Variants in FRMD4A observed in about 807,000 individuals in gnomAD.
FRMD4A encodes the protein FERM domain containing 4A.
FRMD4A carries 29 observed loss-of-function variants against 129.1 expected under a neutral mutation model. The observed-to-expected ratio is 0.22, with a 90% CI of 0.17 to 0.31. The LOEUF is 0.31. Ranked by LOEUF, FRMD4A falls within the 10% of genes least tolerant of loss-of-function variation. The pLI is 1.00. For synonymous variants in FRMD4A, 634 were observed against 571.6 expected (o/e 1.11, Z -1.56); for missense variants, 1,272 against 1,375.8 (o/e 0.92, Z 1.19).
chr10:14,288,277 A>G (rs935784513), intron 2 of FRMD4A, among the ~76,000 whole-genome samples: 4 of 152,186 alleles, frequency 2.6e-5, no homozygotes, highest in Non-Finnish European at 5.9e-5. Context: ...CAAAATTGGA[A>G]ATCTCCAAAG....
At chr10:14,131,150 ACAAATCCCCAAATTATACTTTT>A (rs1260420856) in intron 2 of FRMD4A, among the ~76,000 whole-genome samples, 1 of 152,226 alleles carries the variant, frequency 6.6e-6, no homozygotes, top group Non-Finnish European at 1.5e-5. Context: ...ATGTAACCAC[ACAAATCCCCAAATTATACTTTT>A]GCTAGAGAAA....
rs568402102 is a variant in FRMD4A at position 14,024,446 on chromosome 10, C to T, written c.46-165534G>A. On this transcript the variant is annotated intron_variant, in intron 2 of 24. Transcript: ENST00000357447. ...ATGAATGTCCCGATTTGCTCTCAGT[C>T]CCCGCTGACAGATCAGATCTGCAAA... Among the ~76,000 whole-genome samples, 17 of 152,314 alleles carry T rather than the reference C, an allele frequency of 1.1e-4. No homozygotes were observed. In the South Asian group the frequency reaches 3.5e-3, roughly 32 times the overall value.
At chr10:13,782,043 C>A (rs1234127297) in intron 6 of FRMD4A, among the ~76,000 whole-genome samples, 5 of 152,118 alleles carry the variant, frequency 3.3e-5, no homozygotes, top group Non-Finnish European at 7.4e-5. Flanking sequence ...AAAGAACTTA[C>A]TCATGTAACT....
intron 6 of FRMD4A, among the ~76,000 whole-genome samples, chr10:13,763,466 G>A (rs1401029982): frequency 6.6e-6 from 1 of 152,098 alleles, no homozygotes; most frequent in South Asian, 2.1e-4. Context: ...GTTCAGTGTC[G>A]CTAGTGACTA....
chr10:14,172,911 G>C (rs17154771), intron 2 of FRMD4A, among the ~76,000 whole-genome samples: 6,497 of 152,258 alleles, frequency 0.043, 225 homozygotes, highest in Non-Finnish European at 0.066. Flanking sequence ...ATGACTCTCA[G>C]ACATGGGTGA....
intron 2 of FRMD4A, among the ~76,000 whole-genome samples, chr10:14,320,718 T>C (rs1846944478): frequency 6.6e-6 from 1 of 152,272 alleles, no homozygotes; most frequent in Non-Finnish European, 1.5e-5. Flanking sequence ...GGCCATGCAC[T>C]ATACTCACCA....
intron 2 of FRMD4A, among the ~76,000 whole-genome samples, chr10:14,123,176 G>A (rs1022850572): frequency 6.6e-6 from 1 of 152,100 alleles, no homozygotes. Context: ...CATGACCCTT[G>A]CAAGTTGCTG....
chr10:13,843,717 C>T (rs1386679789), intron 3 of FRMD4A, among the ~76,000 whole-genome samples: 4 of 152,138 alleles, frequency 2.6e-5, no homozygotes, highest in Admixed American at 6.5e-5. Context: ...AGGCTGGTCT[C>T]GAACTCCTGA....
intron 2 of FRMD4A, among the ~76,000 whole-genome samples, chr10:13,901,511 G>A (rs968890136): frequency 6.6e-6 from 1 of 151,576 alleles, no homozygotes; most frequent in East Asian, 1.9e-4. Flanking sequence ...TCAGGAGGCT[G>A]AGGCAGCAGA....
chr10:13,765,437 A>AT (rs2092254478), intron 6 of FRMD4A, among the ~76,000 whole-genome samples: 1 of 151,992 alleles, frequency 6.6e-6, no homozygotes, highest in Non-Finnish European at 1.5e-5. Context: ...TTTTGTAATT[A>AT]TTTTTTGAGA....
chr10:13,727,619 T>C (rs1210439488), intron 12 of FRMD4A, among the ~76,000 whole-genome samples: 1 of 152,160 alleles, frequency 6.6e-6, no homozygotes, highest in Non-Finnish European at 1.5e-5. Context: ...CACACCCCAG[T>C]AAACTTCCTG....
intron 2 of FRMD4A, among the ~76,000 whole-genome samples, chr10:14,266,988 G>C (rs778181119): frequency 6.6e-6 from 1 of 152,204 alleles, no homozygotes; most frequent in South Asian, 2.1e-4. Flanking sequence ...AAGCATTTAA[G>C]TTTTAGTGTC....
At chr10:13,972,549 G>A (rs1385651527) in intron 2 of FRMD4A, among the ~76,000 whole-genome samples, 3 of 150,108 alleles carry the variant, frequency 2.0e-5, no homozygotes, top group Admixed American at 6.6e-5. Context: ...TTTTTTTTTC[G>A]CCCCGCATGA....
At chr10:13,699,405 G>T (rs1226909660) in intron 14 of FRMD4A, among the ~76,000 whole-genome samples, 1 of 151,980 alleles carries the variant, frequency 6.6e-6, no homozygotes, top group Non-Finnish European at 1.5e-5. Flanking sequence ...TATACTTGCT[G>T]TGTCAGTGAG....
chr10:13,939,179 A>G (rs1255665012), intron 2 of FRMD4A, among the ~76,000 whole-genome samples: 1 of 152,236 alleles, frequency 6.6e-6, no homozygotes, highest in African/African-American at 2.4e-5. Context: ...TATGGTTCAC[A>G]TTATTCTAAA....
chr10:14,262,912 G>A (rs755995454), intron 2 of FRMD4A, among the ~76,000 whole-genome samples: 20 of 152,038 alleles, frequency 1.3e-4, no homozygotes, highest in Admixed American at 4.6e-4. Context: ...TCTCCTACTC[G>A]CCAGGAAAAC....
At chr10:13,924,531 T>C (rs1460269031) in intron 2 of FRMD4A, among the ~76,000 whole-genome samples, 1 of 152,130 alleles carries the variant, frequency 6.6e-6, no homozygotes. Flanking sequence ...AAGGAAGGAC[T>C]TCTCTCAGGG....
At chr10:14,172,950 AG>A (rs1290254082) in intron 2 of FRMD4A, among the ~76,000 whole-genome samples, 6 of 152,212 alleles carry the variant, frequency 3.9e-5, no homozygotes, top group South Asian at 2.1e-4. Flanking sequence ...ATTCTCGCAA[AG>A]GATGGGGTGT....
rs10706168 is a variant in FRMD4A at position 13,728,573 on chromosome 10, CTT to C, written c.759+9269_759+9270del. On this transcript the variant is annotated intron_variant, in intron 12 of 24. Transcript: ENST00000357447. The stretch of plus-strand genomic sequence containing the variant: ...TCAGTGCTTTCAGGTGATTACCATT[CTT>C]TTTTTTTTTTTTTTTGAGATGGAGT... 1.1e-3 allele frequency among the ~76,000 whole-genome samples: 83 copies of C among 78,344 alleles called. 4 individuals are homozygous for C. Among genetic ancestry groups the C allele is most frequent in the Admixed American group, 2.4e-3 (13 of 5,312 alleles). The allele number at this position is 78,344 out of a possible 152,430, so 51.4% of individuals were successfully genotyped here. A position where few individuals can be genotyped will look rare whatever the true frequency, so the allele number is the denominator to read the frequency against.
Sources: gnomAD v4.1 joint callset for allele counts (sites outside exome capture counted in the v4.1 genomes callset) on GRCh38, gnomAD v4.1.1 for gene constraint, MANE v1.5 for transcripts, NCBI Gene and HGNC (gene_info 2026-07-23, HGNC 2026-07-21) for gene names.